Variants in AOX1 observed in about 807,000 individuals in gnomAD.
AOX1 encodes the protein aldehyde oxidase.
AOX1 carries 153 observed loss-of-function variants against 169.5 expected under a neutral mutation model. That is an observed-to-expected ratio of 0.90 (90% CI 0.79 to 1.03). The LOEUF (loss-of-function observed/expected upper bound fraction) is 1.03, where lower values mean the gene tolerates loss of function less well. Ranked by LOEUF, AOX1 falls within the 50% of genes least tolerant of loss-of-function variation. The probability of loss-of-function intolerance (pLI) is 0.00; values close to 1 mark genes in which losing one functional copy is unlikely to be tolerated. For missense variants in AOX1, 1,656 were observed against 1,663.9 expected, an observed-to-expected ratio of 1.00 and a Z score of 0.08; for synonymous variants, 562 against 581.9, an observed-to-expected ratio of 0.97 and a Z score of 0.49.
intron 6 of AOX1, 103 bp from the exon 7 acceptor site, chr2:200,603,164 C>T (rs1248741556): frequency 3.9e-5 from 34 of 879,000 alleles, no homozygotes; most frequent in Middle Eastern, 2.2e-4. Context: ...TGGCATCTAA[C>T]GATATTGATT....
intron 10 of AOX1, among the ~76,000 whole-genome samples, chr2:200,606,899 T>G (rs2034528827): frequency 6.6e-6 from 1 of 152,184 alleles, no homozygotes; most frequent in Non-Finnish European, 1.5e-5. Flanking sequence ...CGATGGGGTT[T>G]TCTAAGTACA....
At chr2:200,602,601 T>C (rs57794959) in intron 6 of AOX1, among the ~76,000 whole-genome samples, 3,525 of 152,286 alleles carry the variant, frequency 0.023, 138 homozygotes, top group African/African-American at 0.081. Context: ...AGGTCTTTCC[T>C]GACCTCTTTG....
chr2:200,612,507 A>G (rs1159837469), intron 13 of AOX1, 102 bp from the exon 14 acceptor site: 6 of 1,208,686 alleles, frequency 5.0e-6, no homozygotes, highest in Non-Finnish European at 7.2e-6. Context: ...CTCAACACAC[A>G]CAGACTGCCC....
rs116052235 is a variant in AOX1, at chr2:200,589,104, G to T, written c.45+2951G>T. Among the ~76,000 whole-genome samples the T allele has an allele frequency of 2.1e-3, 327 of 152,224 alleles. 1 individual carries two copies. Among genetic ancestry groups the T allele is most frequent in the African/African-American group, 7.5e-3 (312 of 41,532 alleles). ...AGAAGCTTAGAAGTGAAGCCACTTA[G>T]GAGAAAATAGGTGACATGATTGGCT... On this transcript the variant is annotated intron_variant, in intron 1 of 34. Coordinates refer to ENST00000374700, the MANE Select transcript of AOX1 (RefSeq NM_001159.4).
intron 2 of AOX1, 25 bp from the exon 3 acceptor site, chr2:200,595,247 T>G (rs1381676012): frequency 4.5e-5 from 71 of 1,584,656 alleles, no homozygotes; most frequent in Non-Finnish European, 5.7e-5. Context: ...ATAACACATA[T>G]GATCTTTAAC....
intron 25 of AOX1, among the ~76,000 whole-genome samples, 153 bp from the exon 26 acceptor site, chr2:200,650,821 A>G (rs2035564286): frequency 6.6e-6 from 1 of 152,202 alleles, no homozygotes; most frequent in Admixed American, 6.5e-5. Context: ...GAAGAGGACA[A>G]TGTTGTGCAT....
At chr2:200,636,855 C>T in intron 21 of AOX1, 56 bp from the exon 22 acceptor site, 1 of 1,574,418 alleles carries the variant, frequency 6.4e-7, no homozygotes, top group Non-Finnish European at 8.6e-7. Flanking sequence ...ATGACAGTCA[C>T]AATTAAGTCC....
chr2:200,653,539 A>G lies in AOX1; in HGVS notation c.3075+2338A>G, dbSNP rs138657264. On this transcript the variant is annotated intron_variant, in intron 26 of 34. Coordinates refer to ENST00000374700, the MANE Select transcript of AOX1 (RefSeq NM_001159.4). ...TCATAGGGATTCTCTCTGTTGCCCAAGGACATCCAGCCAATAAATGGCAGA... is the reference window on the plus strand; with the variant it reads ...TCATAGGGATTCTCTCTGTTGCCCAGGGACATCCAGCCAATAAATGGCAGA... Among the ~76,000 whole-genome samples, 76 of 152,334 alleles carry G rather than the reference A, an allele frequency of 5.0e-4. 1 individual carries two copies. In the East Asian group the frequency reaches 0.012, roughly 24 times the overall value.
chr2:200,648,723 G>T (rs1404220082), intron 25 of AOX1, among the ~76,000 whole-genome samples: 1 of 152,176 alleles, frequency 6.6e-6, no homozygotes, highest in Non-Finnish European at 1.5e-5. Flanking sequence ...GCAGGGCTAG[G>T]CATGTCTGAG....
In AOX1 at chr2:200,656,924, C is replaced by T. The variant is rs747686137; in HGVS notation, c.3158C>T (p.Thr1053Ile). 1.0e-5 allele frequency: 16 copies of T among 1,575,376 alleles called. No individual in the cohort carries two copies. Residue 1053 changes from threonine to isoleucine, a missense_variant, in exon 27 of 35, where the codon ACT becomes ATT. Coordinates refer to ENST00000374700, the MANE Select transcript of AOX1 (RefSeq NM_001159.4). ...ATTGAAATGGGGCAGGGGGTCCACACTAAAATGATTCAGGTAAGAATGCAA... is the reference window on the plus strand; with the variant it reads ...ATTGAAATGGGGCAGGGGGTCCACATTAAAATGATTCAGGTAAGAATGCAA... ...GGIEMGQGVH[T>I]KMIQVVSREL...
At chr2:200,627,544 G>A (rs923019519) in intron 20 of AOX1, 95 bp downstream of exon 20, 2 of 846,068 alleles carry the variant, frequency 2.4e-6, no homozygotes, top group South Asian at 3.1e-5. Flanking sequence ...GGGCAGCCTA[G>A]GGGGGTGTTG....
rs534359393 is a variant in AOX1, at chr2:200,668,723, G to A, written c.3718G>A (p.Ala1240Thr). 2.5e-6 allele frequency: 4 copies of A among 1,614,152 alleles called. No homozygotes were observed. The South Asian group carries it at 3.3e-5, about 13-fold the overall frequency. Residue 1240 changes from alanine to threonine, a missense_variant, in exon 33 of 35, where the codon GCC (alanine) becomes ACC (threonine). Coordinates refer to ENST00000374700, the MANE Select transcript of AOX1 (RefSeq NM_001159.4). ...TRGPDQYKIP[A>T]ICDMPTELHI... ...TGGTCCAGACCAATATAAAATCCCTGCCATCTGTGACATGCCCACGGAGTT... is the reference window on the plus strand; with the variant it reads ...TGGTCCAGACCAATATAAAATCCCTACCATCTGTGACATGCCCACGGAGTT...
At chr2:200,598,595 T>C (rs1451226666) in intron 4 of AOX1, among the ~76,000 whole-genome samples, 4 of 152,044 alleles carry the variant, frequency 2.6e-5, no homozygotes, top group Non-Finnish European at 5.9e-5. Context: ...CTACAAAAAT[T>C]AGCTGGGCAT....
chr2:200,625,947 C>A (rs996685821), intron 19 of AOX1, among the ~76,000 whole-genome samples: 1 of 152,170 alleles, frequency 6.6e-6, no homozygotes, highest in Non-Finnish European at 1.5e-5. Flanking sequence ...ACGATCAAAA[C>A]TCTTGAATCA....
chr2:200,586,295 T>G, intron 1 of AOX1, 142 bp downstream of exon 1: 1 of 921,970 alleles, frequency 1.1e-6, no homozygotes, highest in Non-Finnish European at 1.6e-6. Flanking sequence ...TAACAGCGGC[T>G]TTGCCTTCGC....
In AOX1 at chr2:200,657,122, G is replaced by A. The variant is rs145025075; in HGVS notation, c.3171+185G>A. Among the ~76,000 whole-genome samples, 23 of 142,378 alleles carry A rather than the reference G, an allele frequency of 1.6e-4. No homozygotes were observed. The South Asian group carries it at 2.0e-3, about 13-fold the overall frequency. 93.4% of individuals were successfully genotyped at this position (142,378 alleles called of 152,430 possible). A position where few individuals can be genotyped will look rare whatever the true frequency, so the allele number is the denominator to read the frequency against. Reference sequence around the variant, plus strand: ...GAGGATTTCTTAAGTGAAGGAGTTCGAGACCAGCCCAGGGAACATAGGGAG... The same window carrying A: ...GAGGATTTCTTAAGTGAAGGAGTTCAAGACCAGCCCAGGGAACATAGGGAG... On this transcript the variant is annotated intron_variant, in intron 27 of 34. Transcript: ENST00000374700.
chr2:200,596,556 G>T (rs2034288128), intron 3 of AOX1, among the ~76,000 whole-genome samples: 1 of 152,224 alleles, frequency 6.6e-6, no homozygotes, highest in South Asian at 2.1e-4. Context: ...TGAAGATAAT[G>T]CATCCCAGCT....
chr2:200,594,992 T>G (rs969570338), intron 2 of AOX1, among the ~76,000 whole-genome samples: 12 of 152,210 alleles, frequency 7.9e-5, no homozygotes, highest in Non-Finnish European at 1.3e-4. Flanking sequence ...CTTACACATA[T>G]AGACTCTTCT....
In AOX1 at chr2:200,668,804, G is replaced by T. The variant is rs2035973484; in HGVS notation, c.3798+1G>T. ...CTCAAATACTCTTTATTCATCTAAG[G>T]TAAGTAATGTTCTATGGGTAAATAT... is the stretch of plus-strand genomic sequence containing the variant. On this transcript the variant is annotated splice_donor_variant, in intron 33 of 34. Coordinates refer to ENST00000374700, the MANE Select transcript of AOX1 (RefSeq NM_001159.4). LOFTEE classifies it high-confidence loss of function. 3.7e-6 allele frequency: 6 copies of T among 1,613,350 alleles called. No individual in the cohort carries two copies. The highest frequency in any genetic ancestry group is 5.1e-6 in the Non-Finnish European group (6 of 1,179,436).
Sources: gnomAD v4.1 joint callset for allele counts (sites outside exome capture counted in the v4.1 genomes callset) on GRCh38, gnomAD v4.1.1 for gene constraint, MANE v1.5 for transcripts, NCBI Gene and HGNC (gene_info 2026-07-23, HGNC 2026-07-21) for gene names.